Variants in PXDNL observed in about 807,000 individuals in gnomAD.
PXDNL encodes peroxidasin like.
Under a neutral mutation model 150.8 loss-of-function variants are expected in PXDNL, and 145 were observed. That is an observed-to-expected ratio of 0.96 (90% CI 0.84 to 1.10). PXDNL has a LOEUF of 1.10. Ranked by LOEUF, PXDNL falls within the 50% of genes least tolerant of loss-of-function variation. The pLI, the probability that PXDNL is intolerant of heterozygous loss-of-function variation, is 0.00. For synonymous variants in PXDNL, 757 were observed against 725.7 expected (o/e 1.04, Z -0.69); for missense variants, 2,087 against 1,873.9 (o/e 1.11, Z -2.10).
chr8:51,546,943 C>T (rs531493760), intron 4 of PXDNL, among the ~76,000 whole-genome samples: 1 of 147,052 alleles, frequency 6.8e-6, no homozygotes, highest in South Asian at 2.1e-4. Context: ...TGGAACATAA[C>T]TCCATTGGCC....
intron 1 of PXDNL, among the ~76,000 whole-genome samples, chr8:51,808,894 G>C (rs1016652856): frequency 6.6e-6 from 1 of 152,180 alleles, no homozygotes; most frequent in Non-Finnish European, 1.5e-5. Flanking sequence ...AAGTATGCAG[G>C]AAAATTATTG....
At chr8:51,729,021 TA>T (rs1354626677) in intron 1 of PXDNL, among the ~76,000 whole-genome samples, 2 of 152,216 alleles carry the variant, frequency 1.3e-5, no homozygotes, top group Non-Finnish European at 2.9e-5. Flanking sequence ...TTTAGATACA[TA>T]AATACTTACC....
intron 19 of PXDNL, among the ~76,000 whole-genome samples, chr8:51,360,042 CAA>C (rs1366137848): frequency 9.2e-4 from 79 of 85,480 alleles, no homozygotes; most frequent in Non-Finnish European, 1.0e-3. Context: ...AAGAGAAAAG[CAA>C]AAAAAAAAAA....
At chr8:51,749,192 T>C (rs935179568) in intron 1 of PXDNL, among the ~76,000 whole-genome samples, 1 of 152,226 alleles carries the variant, frequency 6.6e-6, no homozygotes, top group South Asian at 2.1e-4. Context: ...TGCAGATGAT[T>C]ATATAAAAAT....
intron 8 of PXDNL, among the ~76,000 whole-genome samples, chr8:51,468,350 T>C (rs537580795): frequency 9.2e-5 from 14 of 152,104 alleles, no homozygotes; most frequent in Non-Finnish European, 5.9e-5. Flanking sequence ...TAAATTCAGG[T>C]GAATTACATC....
chr8:51,652,133 T>C (rs191758257), intron 2 of PXDNL, among the ~76,000 whole-genome samples: 15 of 152,238 alleles, frequency 9.9e-5, no homozygotes, highest in Admixed American at 2.0e-4. Context: ...CCCAAGGAAA[T>C]AGAATCACCA....
At chr8:51,444,913 A>AT (rs397730480) in intron 12 of PXDNL, among the ~76,000 whole-genome samples, 45,622 of 148,410 alleles carry the variant, frequency 0.31, 9,742 homozygotes, top group African/African-American at 0.6. Context: ...TTATTTTTCT[A>AT]TTTTTTTTTT....
intron 1 of PXDNL, among the ~76,000 whole-genome samples, chr8:51,727,033 T>C (rs946155131): frequency 2.0e-5 from 3 of 152,168 alleles, no homozygotes; most frequent in Non-Finnish European, 4.4e-5. Context: ...GTGTGAAGCA[T>C]ATCTTGAATG....
intron 1 of PXDNL, among the ~76,000 whole-genome samples, chr8:51,711,932 A>G (rs1816509835): frequency 6.6e-6 from 1 of 152,252 alleles, no homozygotes; most frequent in South Asian, 2.1e-4. Flanking sequence ...CAGAAAGCCA[A>G]TCACTGAGAC....
chr8:51,748,044 A>G (rs1452533448), intron 1 of PXDNL, among the ~76,000 whole-genome samples: 1 of 152,192 alleles, frequency 6.6e-6, no homozygotes, highest in Admixed American at 6.5e-5. Flanking sequence ...ATGAGTTAAT[A>G]TATTGAGAAT....
In PXDNL at chr8:51,413,149, C is replaced by T. The variant is rs749305894; in HGVS notation, c.1904+1G>A. The stretch of plus-strand genomic sequence containing the variant: ...TCAATCTGTGTAAAATAAATTCTTA[C>T]TGTGAAAACAAATGTCTTCGTGTGG... On this transcript the variant is annotated splice_donor_variant, in intron 15 of 22. Coordinates refer to ENST00000356297, the MANE Select transcript of PXDNL (RefSeq NM_144651.5). LOFTEE classifies it high-confidence loss of function. 6.5e-6 allele frequency: 10 copies of T among 1,534,046 alleles called. No homozygotes were observed. Among genetic ancestry groups the T allele is most frequent in the Non-Finnish European group, 6.3e-6 (7 of 1,107,916 alleles).
intron 14 of PXDNL, among the ~76,000 whole-genome samples, chr8:51,416,578 T>C (rs1025824668): frequency 6.6e-6 from 1 of 152,244 alleles, no homozygotes; most frequent in African/African-American, 2.4e-5. Flanking sequence ...TAAAACTGCA[T>C]GTTGCAATGC....
intron 1 of PXDNL, among the ~76,000 whole-genome samples, chr8:51,662,962 T>A (rs1270762510): frequency 6.6e-6 from 1 of 152,230 alleles, no homozygotes; most frequent in African/African-American, 2.4e-5. Context: ...TTTAAATGAA[T>A]CTGGCTTGCC....
intron 1 of PXDNL, among the ~76,000 whole-genome samples, chr8:51,663,386 A>T (rs771706662): frequency 2.9e-4 from 44 of 152,162 alleles, no homozygotes; most frequent in East Asian, 1.9e-4. Flanking sequence ...CCAAGTTCCC[A>T]CTTTTCTCAG....
intron 8 of PXDNL, among the ~76,000 whole-genome samples, chr8:51,463,207 C>A (rs1482337434): frequency 6.6e-6 from 1 of 152,030 alleles, no homozygotes; most frequent in Non-Finnish European, 1.5e-5. Flanking sequence ...TAGATAGACC[C>A]TATAAAGCAA....
intron 1 of PXDNL, among the ~76,000 whole-genome samples, chr8:51,801,698 G>A (rs1317624912): frequency 1.3e-5 from 2 of 152,178 alleles, no homozygotes; most frequent in East Asian, 3.8e-4. Flanking sequence ...GCCCATTTGG[G>A]TTCCTGCCTC....
intron 14 of PXDNL, among the ~76,000 whole-genome samples, chr8:51,418,471 C>T (rs10104237): frequency 0.024 from 3,590 of 152,242 alleles, 143 homozygotes; most frequent in African/African-American, 0.081. Context: ...AACTCTGCAA[C>T]AACTTCAGTG....
chr8:51,368,070 G>A (rs907183157), intron 19 of PXDNL, among the ~76,000 whole-genome samples: 3 of 152,200 alleles, frequency 2.0e-5, no homozygotes, highest in African/African-American at 7.2e-5. Context: ...AGAGGTTGCA[G>A]TGAGCCAAGA....
chr8:51,795,687 C>G (rs1264352508), intron 1 of PXDNL, among the ~76,000 whole-genome samples: 1 of 152,044 alleles, frequency 6.6e-6, no homozygotes, highest in Non-Finnish European at 1.5e-5. Context: ...GCCCAAAAAG[C>G]TAGATGCGGG....
Sources: allele counts gnomAD v4.1 joint callset (sites outside exome capture counted in the v4.1 genomes callset), GRCh38; gene constraint gnomAD v4.1.1; transcripts MANE v1.5; gene names NCBI Gene and HGNC (gene_info 2026-07-23, HGNC 2026-07-21).